The following AK5 variants were observed in gnomAD, a reference collection of about 807,000 sequenced individuals.
The protein encoded by AK5 is adenylate kinase isoenzyme 5.
A neutral mutation model predicts 69.5 loss-of-function variants in AK5; 27 were observed. That is an observed-to-expected ratio of 0.39 (90% confidence interval 0.29 to 0.54). The LOEUF is 0.54. Among genes scored for constraint, AK5 ranks in the 20% least tolerant of loss-of-function variants. AK5 has a pLI of 0.71. For synonymous variants in AK5, 260 were observed against 244.4 expected, an observed-to-expected ratio of 1.06 and a Z score of -0.60; for missense variants, 531 against 700.4, an observed-to-expected ratio of 0.76 and a Z score of 2.73.
In AK5 at chr1:77,367,788, T is replaced by TATATGTTATATATA. The variant is rs1557533945; in HGVS notation, c.891+27224_891+27225insGTTATATATAATAT. On this transcript the variant is annotated intron_variant, in intron 6 of 13. Transcript: ENST00000354567. Reference sequence around the variant, plus strand: ...AATATATGTTATATATAATATATGTTATATATGTTATATATAATATATGTT... The same window carrying TATATGTTATATATA: ...AATATATGTTATATATAATATATGTTATATGTTATATATAATATATGTTATATATAATATATGTT... 6.1e-3 allele frequency among the ~76,000 whole-genome samples: 51 copies of TATATGTTATATATA among 8,378 alleles called. 5 individuals are homozygous for TATATGTTATATATA. Among genetic ancestry groups the TATATGTTATATATA allele is most frequent in the East Asian group, 0.037 (5 of 134 alleles). The allele number at this position is 8,378 out of a possible 152,430, so 5.5% of individuals were successfully genotyped here. A position where few individuals can be genotyped will look rare whatever the true frequency, so the allele number is the denominator to read the frequency against.
chr1:77,479,184 A>T (rs1655115326), intron 8 of AK5, among the ~76,000 whole-genome samples: 1 of 147,638 alleles, frequency 6.8e-6, no homozygotes, highest in South Asian at 2.1e-4. Flanking sequence ...TGAGGTAGCA[A>T]CCTGAAATTG....
chr1:77,367,615 A>ATATGTTATATATATATGTTATATATATGT (rs1553139807), intron 6 of AK5, among the ~76,000 whole-genome samples: 1 of 91,232 alleles, frequency 1.1e-5, no homozygotes, highest in African/African-American at 5.1e-5. Flanking sequence ...TATGTAATAT[A>ATATGTTATATATATATGTTATATATATGT]TATGTTATAT....
At chr1:77,297,055 G>T (rs916759237) in intron 3 of AK5, among the ~76,000 whole-genome samples, 4 of 152,104 alleles carry the variant, frequency 2.6e-5, no homozygotes, top group African/African-American at 9.7e-5. Flanking sequence ...GCAAGGACAG[G>T]CATGAGCAAA....
At chr1:77,402,645 A>G (rs890502320) in intron 6 of AK5, among the ~76,000 whole-genome samples, 12 of 151,884 alleles carry the variant, frequency 7.9e-5, no homozygotes, top group Admixed American at 6.6e-4. Flanking sequence ...TTATGGCTGC[A>G]TAGTATTCCA....
intron 13 of AK5, among the ~76,000 whole-genome samples, chr1:77,543,948 C>G (rs1659411477): frequency 2.0e-5 from 3 of 151,912 alleles, no homozygotes; most frequent in East Asian, 1.9e-4. Context: ...CACACACACA[C>G]AGTCATGCAT....
At position 77,282,166 on chromosome 1, in the gene AK5, G is replaced by C. The variant is rs1375516543; in HGVS notation, c.-148G>C. On this transcript the variant is annotated 5_prime_UTR_variant, in exon 1 of 14. Transcript: ENST00000354567. ...AGAGGCGGAGGGGGTCCCTGGCCTG[G>C]GCGGAGAGGCTGAGCTGAGTGCGCG... The C allele has an allele frequency of 5.3e-5, 33 of 628,452 alleles. No individual in the cohort carries two copies. The highest frequency in any genetic ancestry group is 6.9e-5 in the Non-Finnish European group (27 of 389,440). 38.9% of individuals were successfully genotyped at this position (628,452 alleles called of 1,614,324 possible).
chr1:77,470,430 G>A (rs1201045309), intron 8 of AK5, among the ~76,000 whole-genome samples: 1 of 152,170 alleles, frequency 6.6e-6, no homozygotes, highest in Non-Finnish European at 1.5e-5. Flanking sequence ...ACTTGAGCCT[G>A]GGAGGCGGAG....
intron 8 of AK5, among the ~76,000 whole-genome samples, chr1:77,476,900 G>GT (rs200307103): frequency 4.9e-5 from 5 of 102,176 alleles, no homozygotes; most frequent in South Asian, 5.8e-4. Flanking sequence ...GTGTTTTGCT[G>GT]TTTTTTTAAA....
chr1:77,393,215 T>C (rs1446120808), intron 6 of AK5, among the ~76,000 whole-genome samples: 2 of 152,210 alleles, frequency 1.3e-5, no homozygotes, highest in African/African-American at 4.8e-5. Context: ...GTAACTATAG[T>C]TATTACTACT....
intron 9 of AK5, among the ~76,000 whole-genome samples, chr1:77,485,809 C>T (rs1036148726): frequency 6.6e-6 from 1 of 152,074 alleles, no homozygotes; most frequent in Non-Finnish European, 1.5e-5. Flanking sequence ...AATACATTAC[C>T]GGGGTGGGGG....
intron 7 of AK5, among the ~76,000 whole-genome samples, chr1:77,414,636 C>G (rs142997727): frequency 2.0e-5 from 3 of 152,236 alleles, no homozygotes; most frequent in East Asian, 3.9e-4. Flanking sequence ...TGTATTTCAG[C>G]GCATACCTTT....
At chr1:77,455,035 G>A (rs1653388689) in intron 8 of AK5, among the ~76,000 whole-genome samples, 3 of 152,176 alleles carry the variant, frequency 2.0e-5, no homozygotes, top group Admixed American at 2.0e-4. Flanking sequence ...TTTGGGTCAA[G>A]TATTAAACTG....
chr1:77,306,118 T>A (rs1345502879), intron 5 of AK5, among the ~76,000 whole-genome samples: 1 of 152,170 alleles, frequency 6.6e-6, no homozygotes, highest in African/African-American at 2.4e-5. Flanking sequence ...TAGTACTATG[T>A]TGAATAATGA....
At chr1:77,333,551 C>G (rs891663220) in intron 5 of AK5, among the ~76,000 whole-genome samples, 1 of 148,346 alleles carries the variant, frequency 6.7e-6, no homozygotes, top group African/African-American at 2.5e-5. Context: ...ATCTCCCCCC[C>G]ACCATGCTAG....
chr1:77,356,189 T>A (rs1662517689), intron 6 of AK5, among the ~76,000 whole-genome samples: 1 of 152,166 alleles, frequency 6.6e-6, no homozygotes, highest in Non-Finnish European at 1.5e-5. Flanking sequence ...ATAATGCAAA[T>A]TTCAGAAATA....
intron 10 of AK5, among the ~76,000 whole-genome samples, chr1:77,517,812 G>A (rs1657754436): frequency 6.6e-6 from 1 of 152,204 alleles, no homozygotes; most frequent in South Asian, 2.1e-4. Flanking sequence ...GAAAGCAGAA[G>A]GACATGGCAA....
intron 1 of AK5, 29 bp from the exon 2 acceptor site, chr1:77,286,912 T>G: frequency 7.5e-7 from 1 of 1,328,744 alleles, no homozygotes; most frequent in Non-Finnish European, 9.8e-7. Context: ...AAAAGATATT[T>G]TATTTGTACA....
intron 13 of AK5, among the ~76,000 whole-genome samples, chr1:77,556,144 G>A (rs1660092460): frequency 6.6e-6 from 1 of 152,232 alleles, no homozygotes; most frequent in African/African-American, 2.4e-5. Flanking sequence ...AAAGTAGTAT[G>A]TAGAGTTTGA....
At chr1:77,394,062 A>G (rs551250930) in intron 6 of AK5, among the ~76,000 whole-genome samples, 172 of 152,052 alleles carry the variant, frequency 1.1e-3, no homozygotes, top group African/African-American at 3.9e-3. Context: ...TAAAAATACA[A>G]AAATTAACTG....
Sources: allele counts gnomAD v4.1 joint callset (sites outside exome capture counted in the v4.1 genomes callset), GRCh38; gene constraint gnomAD v4.1.1; transcripts MANE v1.5; gene names NCBI Gene and HGNC (gene_info 2026-07-23, HGNC 2026-07-21).